The following B4GALNT1 variants were observed in gnomAD, a reference collection of about 807,000 sequenced individuals.
B4GALNT1 encodes the protein beta-1,4-N-acetyl-galactosaminyltransferase 1.
A neutral mutation model predicts 55.2 loss-of-function variants in B4GALNT1; 43 were observed. The observed-to-expected ratio is 0.78, with a 90% confidence interval of 0.61 to 1.00. B4GALNT1 has a LOEUF of 1.00. B4GALNT1 is among the 50% of genes least tolerant of loss of function. The probability of loss-of-function intolerance (pLI) is 0.00; values close to 1 mark genes in which losing one functional copy is unlikely to be tolerated. For missense variants in B4GALNT1, 664 were observed against 729.7 expected (o/e 0.91, Z 1.04); for synonymous variants, 305 against 311.6 (o/e 0.98, Z 0.22).
Position 57,630,971 on chromosome 12 carries a change from C to T in B4GALNT1, c.490+9G>A. On this transcript the variant is annotated intron_variant, in intron 4 of 10. Coordinates refer to ENST00000341156, the MANE Select transcript of B4GALNT1 (RefSeq NM_001478.5). Reference sequence around the variant, plus strand: ...GGCTGAGGTCATCCTCTGGGACCCTCCTCCCTACCTGGCACCAAGATGCTC... The same window carrying T: ...GGCTGAGGTCATCCTCTGGGACCCTTCTCCCTACCTGGCACCAAGATGCTC... The T allele has an allele frequency of 1.2e-6, 2 of 1,611,046 alleles. No individual in the cohort carries two copies. The highest frequency in any genetic ancestry group is 1.3e-5 in the African/African-American group (1 of 74,946).
chr12:57,627,774 C>T lies in B4GALNT1; in HGVS notation c.1228G>A (p.Gly410Arg). 1.2e-6 allele frequency: 2 copies of T among 1,604,790 alleles called. No individual in the cohort carries two copies. The highest frequency in any genetic ancestry group is 1.7e-6 in the Non-Finnish European group (2 of 1,175,482). ...CCGCGCCTTTGCCGGAGGCAGTTCC[C>T]GAGGCCTGGGGCGCCGGGCTCCACG... ...LSVEPGAPGL[G>R]NCLRQRRGFH... The change falls in exon 10 of 11, where the codon GGG becomes AGG. Residue 410 changes from glycine to arginine, a missense_variant. Transcript: ENST00000341156.
At position 57,626,790 on chromosome 12, in the gene B4GALNT1, C is replaced by T. The variant is rs751593187; in HGVS notation, c.1556G>A (p.Arg519Gln). 2.8e-5 allele frequency: 46 copies of T among 1,614,076 alleles called. No individual in the cohort carries two copies. The highest frequency in any genetic ancestry group is 3.7e-5 in the Non-Finnish European group (44 of 1,180,030). The change falls in exon 11 of 11, where the codon CGG becomes CAG. Residue 519 changes from arginine to glutamine, a missense_variant. Physicochemically the swap from Arg to Gln is conservative, Grantham distance 43. Coordinates refer to ENST00000341156, the MANE Select transcript of B4GALNT1 (RefSeq NM_001478.5). ...CAGCCGGTGTTTGAAGAAGAGCAGC[C>T]GGTGTTTGGCCATCTGGCTCTCGTC... ...SLDESQMAKH[R>Q]LLFFKHRLQC...
In B4GALNT1 at chr12:57,624,964, G is replaced by A. The variant is rs772629189; in HGVS notation, c.*1780C>T. On this transcript the variant is annotated 3_prime_UTR_variant, in exon 11 of 11. Coordinates refer to ENST00000341156, the MANE Select transcript of B4GALNT1 (RefSeq NM_001478.5). ...GCTGCAACCTGGAGTGGCACCTGGG[G>A]CTCGGAGAAGGAGAAAAGGTGAAGG... is the stretch of plus-strand genomic sequence containing the variant. 7.4e-6 allele frequency: 12 copies of A among 1,614,178 alleles called. No homozygotes were observed. The highest frequency in any genetic ancestry group is 1.6e-4 in the Middle Eastern group (1 of 6,062).
chr12:57,632,150 T>TGG lies in B4GALNT1; in HGVS notation c.-1-19_-1-18dup. 1 of 1,498,922 alleles carries TGG rather than the reference T, an allele frequency of 6.7e-7. No homozygotes were observed. Among genetic ancestry groups the TGG allele is most frequent in the Non-Finnish European group, 9.0e-7 (1 of 1,108,250 alleles). The allele number at this position is 1,498,922 out of a possible 1,614,324, so 92.9% of individuals were successfully genotyped here. The stretch of plus-strand genomic sequence containing the variant: ...AGCCACATCCTAGGTGGGGGTAGGG[T>TGG]GGGGAGTGAGAAAGGGAGGGAAGAA... On this transcript the variant is annotated splice_polypyrimidine_tract_variant and intron_variant, in intron 1 of 10. Transcript: ENST00000341156.
At chr12:57,627,008 AG>A in intron 10 of B4GALNT1, 47 bp from the exon 11 acceptor site, 1 of 1,521,282 alleles carries the variant, frequency 6.6e-7, no homozygotes, top group Non-Finnish European at 9.0e-7. Context: ...AGGGTGCAGA[AG>A]GCCGACTGGT....
In B4GALNT1 at chr12:57,626,432, G is replaced by T; in HGVS notation, c.*312C>A. 2 of 414,324 alleles carry T rather than the reference G, an allele frequency of 4.8e-6. No individual in the cohort carries two copies. The highest frequency in any genetic ancestry group is 3.9e-5 in the Admixed American group (1 of 25,518). 25.7% of individuals were successfully genotyped at this position (414,324 alleles called of 1,614,324 possible). ...ACAGTGTTTCCACCTTAGGTTCTTA[G>T]AGTCCCTCTGGGCTCTTTGGCACTT... On this transcript the variant is annotated 3_prime_UTR_variant, in exon 11 of 11. Transcript: ENST00000341156.
chr12:57,628,509 C>T, intron 8 of B4GALNT1: 1 of 801,924 alleles, frequency 1.2e-6, no homozygotes, highest in Non-Finnish European at 1.9e-6. Context: ...TATTGAATGC[C>T]ATTAGGCACT....
Position 57,625,223 on chromosome 12 carries a change from T to C in B4GALNT1, c.*1521A>G. 6.2e-7 allele frequency: 1 copy of C among 1,614,066 alleles called. No homozygotes were observed. The highest frequency in any genetic ancestry group is 8.5e-7 in the Non-Finnish European group (1 of 1,180,004). On this transcript the variant is annotated 3_prime_UTR_variant, in exon 11 of 11. Coordinates refer to ENST00000341156, the MANE Select transcript of B4GALNT1 (RefSeq NM_001478.5). ...TGGTGACACCTGGGTACTCCTGTCT[T>C]CTCCCATTCTAGTTGCTGAGCCTGT...
chr12:57,628,535 A>G (rs2140245228), intron 8 of B4GALNT1, 178 bp downstream of exon 8: 8 of 874,414 alleles, frequency 9.1e-6, no homozygotes, highest in Middle Eastern at 7.1e-4. Context: ...CCATTCTAAG[A>G]ATTCAGAGAG....
At position 57,630,341 on chromosome 12, in the gene B4GALNT1, G is replaced by C. The variant is rs529443536; in HGVS notation, c.532-9C>G. The C allele has an allele frequency of 5.6e-6, 9 of 1,613,048 alleles. No individual in the cohort carries two copies. The South Asian group carries it at 6.6e-5, about 12-fold the overall frequency. ...GAGGCAGTCAGGTTCACCTAGGAGG[G>C]GATTGGAGAGTGCAGGGTTAGGCCC... On this transcript the variant is annotated splice_polypyrimidine_tract_variant and intron_variant, in intron 5 of 10. Transcript: ENST00000341156.
chr12:57,629,104 C>G lies in B4GALNT1; in HGVS notation c.755G>C (p.Arg252Pro). ...TEGHEAAFTIRIRHPPNPRLY... is the reference protein window; with the variant it reads ...TEGHEAAFTIPIRHPPNPRLY... ...CCGAGGGTTGGGCGGGTGTCTTATGCGGATAGTGAAAGCAGCCTCATGTCC... is the reference window on the plus strand; with the variant it reads ...CCGAGGGTTGGGCGGGTGTCTTATGGGGATAGTGAAAGCAGCCTCATGTCC... Residue 252 changes from arginine (R) to proline (P), a missense_variant, in exon 7 of 11, where the codon CGC becomes CCC. Transcript: ENST00000341156. The G allele has an allele frequency of 6.3e-7, 1 of 1,598,216 alleles. No homozygotes were observed. The highest frequency in any genetic ancestry group is 8.6e-7 in the Non-Finnish European group (1 of 1,168,614).
intron 3 of B4GALNT1, 53 bp from the exon 4 acceptor site, chr12:57,631,139 C>A (rs753250306): frequency 6.2e-7 from 1 of 1,610,360 alleles, no homozygotes; most frequent in South Asian, 1.1e-5. Flanking sequence ...GAGGGTCTCT[C>A]CCTCCCGGCA....
At position 57,628,919 on chromosome 12, in the gene B4GALNT1, C is replaced by T. The variant is rs375149289; in HGVS notation, c.812-16G>A. 12 of 1,614,036 alleles carry T rather than the reference C, an allele frequency of 7.4e-6. No homozygotes were observed. Among genetic ancestry groups the T allele is most frequent in the South Asian group, 3.3e-5 (3 of 91,058 alleles). On this transcript the variant is annotated splice_polypyrimidine_tract_variant and intron_variant, in intron 7 of 10. Transcript: ENST00000341156. Reference sequence around the variant, plus strand: ...TTGTACTGGGCTGAGATTGGGGGCACAGGGTTGGGTGCAGACAAGGAGGGT... The same window carrying T: ...TTGTACTGGGCTGAGATTGGGGGCATAGGGTTGGGTGCAGACAAGGAGGGT...
rs1885329797 is a variant in B4GALNT1 at position 57,633,099 on chromosome 12, A to T, written c.-329T>A. Reference sequence around the variant, plus strand: ...ATCCCTGGCTCCGCGTCCCACTGGCAGCGCGGGGAGGGCTCTGGCCGCCGC... The same window carrying T: ...ATCCCTGGCTCCGCGTCCCACTGGCTGCGCGGGGAGGGCTCTGGCCGCCGC... On this transcript the variant is annotated 5_prime_UTR_variant, in exon 1 of 11. Transcript: ENST00000341156. 1 of 152,228 alleles carries T rather than the reference A, an allele frequency of 6.6e-6. No homozygotes were observed. Among genetic ancestry groups the T allele is most frequent in the Admixed American group, 6.5e-5 (1 of 15,288 alleles). 9.4% of individuals were successfully genotyped at this position (152,228 alleles called of 1,614,324 possible).
At position 57,623,979 on chromosome 12, in the gene B4GALNT1, T is replaced by C; in HGVS notation, c.*2765A>G. On this transcript the variant is annotated 3_prime_UTR_variant, in exon 11 of 11. Coordinates refer to ENST00000341156, the MANE Select transcript of B4GALNT1 (RefSeq NM_001478.5). The stretch of plus-strand genomic sequence containing the variant: ...GCTGTATTCCAGGACATCGAGGTAG[T>C]CAGCCCACCTCCTCTGCCTCAAGGC... The C allele has an allele frequency of 6.2e-7, 1 of 1,611,784 alleles. No homozygotes were observed. Among genetic ancestry groups the C allele is most frequent in the Non-Finnish European group, 8.5e-7 (1 of 1,178,502 alleles).
In B4GALNT1 at chr12:57,624,883, G is replaced by A. The variant is rs771583519; in HGVS notation, c.*1861C>T. 7.4e-6 allele frequency: 12 copies of A among 1,614,034 alleles called. No homozygotes were observed. Among genetic ancestry groups the A allele is most frequent in the Non-Finnish European group, 1.0e-5 (12 of 1,180,038 alleles). On this transcript the variant is annotated 3_prime_UTR_variant, in exon 11 of 11. Coordinates refer to ENST00000341156, the MANE Select transcript of B4GALNT1 (RefSeq NM_001478.5). Reference sequence around the variant, plus strand: ...CCTCTTAGCTCCTCCAGGTCCCGGGGCTCTGCATCCTGAGCTATCCAACAC... The same window carrying A: ...CCTCTTAGCTCCTCCAGGTCCCGGGACTCTGCATCCTGAGCTATCCAACAC...
chr12:57,628,272 A>C lies in B4GALNT1; in HGVS notation c.1003-10T>G. The C allele has an allele frequency of 3.1e-6, 5 of 1,614,164 alleles. No homozygotes were observed. Among genetic ancestry groups the C allele is most frequent in the Non-Finnish European group, 4.2e-6 (5 of 1,179,988 alleles). On this transcript the variant is annotated splice_polypyrimidine_tract_variant and intron_variant, in intron 8 of 10. Transcript: ENST00000341156. ...GGCCTGCGAACCAGCCCTGGCAGAA[A>C]GGTGTGTGTGGTTGGGGAGGCTGCA...
At chr12:57,631,133 G>A in intron 3 of B4GALNT1, 47 bp from the exon 4 acceptor site, 1 of 1,606,150 alleles carries the variant, frequency 6.2e-7, no homozygotes, top group Non-Finnish European at 8.5e-7. Context: ...GGGGGAGAGG[G>A]TCTCTCCCTC....
At position 57,626,733 on chromosome 12, in the gene B4GALNT1, C is replaced by T; in HGVS notation, c.*11G>A. 2 of 1,613,952 alleles carry T rather than the reference C, an allele frequency of 1.2e-6. No homozygotes were observed. The highest frequency in any genetic ancestry group is 1.7e-6 in the Non-Finnish European group (2 of 1,179,862). On this transcript the variant is annotated 3_prime_UTR_variant, in exon 11 of 11. Transcript: ENST00000341156. ...GGCCCAGCCTGACAGTCAGAAATCC[C>T]CAGCGGGCCATCACTGGGAGGTCAT... is the stretch of plus-strand genomic sequence containing the variant.
Sources: gnomAD v4.1 joint callset for allele counts on GRCh38, gnomAD v4.1.1 for gene constraint, MANE v1.5 for transcripts, NCBI Gene and HGNC (gene_info 2026-07-23, HGNC 2026-07-21) for gene names.